RYR3: variants seen among roughly 807,000 people sequenced by gnomAD.
RYR3 encodes the protein ryanodine receptor 3, also known as brain ryanodine receptor-calcium release channel.
Under a neutral mutation model 584.3 loss-of-function variants are expected in RYR3, and 207 were observed. That is an observed-to-expected ratio of 0.35 (90% CI 0.32 to 0.40). The LOEUF is 0.40. Ranked by LOEUF, RYR3 falls within the 10% of genes least tolerant of loss-of-function variation. The pLI, the probability that RYR3 is intolerant of heterozygous loss-of-function variation, is 1.00. For missense variants in RYR3, 5,616 were observed against 6,089.2 expected, an observed-to-expected ratio of 0.92 and a Z score of 2.59; for synonymous variants, 2,416 against 2,248.5, an observed-to-expected ratio of 1.07 and a Z score of -2.11.
intron 27 of RYR3, among the ~76,000 whole-genome samples, chr15:33,640,774 ACTGTGCCTTT>A (rs1420009742): frequency 1.3e-5 from 2 of 152,158 alleles, no homozygotes; most frequent in African/African-American, 2.4e-5. Flanking sequence ...TTGGCCGAAG[ACTGTGCCTTT>A]TGCAAATTTT....
At chr15:33,742,341 G>T (rs946727897) in intron 51 of RYR3, 25 bp from the exon 52 acceptor site, 1 of 1,506,886 alleles carries the variant, frequency 6.6e-7, no homozygotes, top group Admixed American at 1.7e-5. Context: ...TGGGGAGGTT[G>T]TAATTTTTTT....
At chr15:33,835,532 A>G (rs1465882421) in intron 87 of RYR3, among the ~76,000 whole-genome samples, 4 of 152,102 alleles carry the variant, frequency 2.6e-5, no homozygotes, top group African/African-American at 9.7e-5. Flanking sequence ...CTCTGGCAAG[A>G]TGAATCAGAA....
intron 1 of RYR3, among the ~76,000 whole-genome samples, chr15:33,452,421 C>T (rs1391128304): frequency 2.0e-5 from 3 of 152,124 alleles, no homozygotes; most frequent in Non-Finnish European, 4.4e-5. Flanking sequence ...AGTCCCATTT[C>T]TTCTAAATCT....
At chr15:33,492,526 G>C (rs1012276117) in intron 2 of RYR3, among the ~76,000 whole-genome samples, 1 of 151,548 alleles carries the variant, frequency 6.6e-6, no homozygotes, top group Admixed American at 6.6e-5. Context: ...TTGGAATTTG[G>C]ATTCAGTTTG....
intron 2 of RYR3, among the ~76,000 whole-genome samples, chr15:33,500,007 A>G (rs1003216617): frequency 7.0e-4 from 106 of 152,328 alleles, no homozygotes; most frequent in African/African-American, 2.4e-3. Flanking sequence ...GTCTACAGCC[A>G]CAGCCATAAT....
At chr15:33,461,346 C>G (rs2048027569) in intron 1 of RYR3, among the ~76,000 whole-genome samples, 1 of 152,172 alleles carries the variant, frequency 6.6e-6, no homozygotes, top group South Asian at 2.1e-4. Context: ...CAGAAATAGG[C>G]TTCACTCCAG....
In RYR3 at chr15:33,736,220, C is replaced by T. The variant is rs766903428; in HGVS notation, c.7425-15C>T. On this transcript the variant is annotated splice_polypyrimidine_tract_variant and intron_variant, in intron 48 of 103. Coordinates refer to ENST00000634891, the MANE Select transcript of RYR3 (RefSeq NM_001036.6). Reference sequence around the variant, plus strand: ...TTTCATTTTATTTATCTACGTTTGTCATTTCATACTGCAGTCACTTGAGGC... The same window carrying T: ...TTTCATTTTATTTATCTACGTTTGTTATTTCATACTGCAGTCACTTGAGGC... The T allele has an allele frequency of 1.9e-6, 3 of 1,540,882 alleles. No individual in the cohort carries two copies. The highest frequency in any genetic ancestry group is 2.3e-5 in the South Asian group (2 of 88,584).
intron 1 of RYR3, among the ~76,000 whole-genome samples, chr15:33,316,109 CA>C (rs370775425): frequency 6.7e-6 from 1 of 149,426 alleles, no homozygotes; most frequent in South Asian, 2.1e-4. Flanking sequence ...GATCTGAGGG[CA>C]AAAAAAATGG....
intron 52 of RYR3, among the ~76,000 whole-genome samples, chr15:33,744,447 GAAAAAGAGTATTTTCCTT>G (rs1316706868): frequency 6.6e-6 from 1 of 152,148 alleles, no homozygotes; most frequent in African/African-American, 2.4e-5. Flanking sequence ...TATCTCACAA[GAAAAAGAGTATTTTCCTT>G]GCCCTCAAAA....
At chr15:33,850,748 T>TA (rs1016764627) in intron 94 of RYR3, 1 of 152,122 alleles carries the variant, frequency 6.6e-6, no homozygotes, top group East Asian at 1.9e-4. Context: ...CCAAAAAGGT[T>TA]AAAAAAATAG....
Position 33,810,350 on chromosome 15 carries a change from C to A in RYR3, c.10027-129C>A, listed in dbSNP as rs979033972. The A allele has an allele frequency of 2.0e-5, 16 of 795,338 alleles. No individual in the cohort carries two copies. The Admixed American group carries it at 4.0e-4, about 20-fold the overall frequency. The allele number at this position is 795,338 out of a possible 1,614,324, so 49.3% of individuals were successfully genotyped here. ...TTGTTCAACACACTCTTTTCACTGT[C>A]CTTTGAAGTGTAGTAAGGCCCACCC... On this transcript the variant is annotated intron_variant, in intron 70 of 103. Coordinates refer to ENST00000634891, the MANE Select transcript of RYR3 (RefSeq NM_001036.6).
intron 10 of RYR3, among the ~76,000 whole-genome samples, chr15:33,562,627 T>C (rs79676363): frequency 0.022 from 3,422 of 152,230 alleles, 53 homozygotes; most frequent in Non-Finnish European, 0.036. Flanking sequence ...ATCACTGAAG[T>C]AACCAGAACT....
Position 33,843,515 on chromosome 15 carries a change from C to G in RYR3, c.13237C>G (p.Leu4413Val). The G allele has an allele frequency of 1.2e-6, 2 of 1,604,654 alleles. No homozygotes were observed. ...LHYLARNFYN[L>V]RFLALFVAFA... ...TTACCTGGCCAGGAATTTCTACAAC[C>G]TGAGGTTCCTTGCTCTGTTTGTAGC... Residue 4413 changes from leucine (L) to valine (V), a missense_variant, in exon 92 of 104, where the codon CTG (leucine) becomes GTG (valine). Coordinates refer to ENST00000634891, the MANE Select transcript of RYR3 (RefSeq NM_001036.6).
intron 34 of RYR3, among the ~76,000 whole-genome samples, chr15:33,661,486 C>T (rs969360594): frequency 4.6e-5 from 7 of 152,148 alleles, no homozygotes; most frequent in Admixed American, 3.9e-4. Flanking sequence ...CAGTGGTCCC[C>T]AGCCTTTTTG....
chr15:33,422,835 G>T (rs750479642), intron 1 of RYR3, among the ~76,000 whole-genome samples: 1 of 152,034 alleles, frequency 6.6e-6, no homozygotes, highest in African/African-American at 2.4e-5. Flanking sequence ...CCATTGAATT[G>T]GTTTGAATAA....
At chr15:33,357,078 A>C (rs1284393570) in intron 1 of RYR3, among the ~76,000 whole-genome samples, 1 of 151,860 alleles carries the variant, frequency 6.6e-6, no homozygotes, top group African/African-American at 2.4e-5. Context: ...CCTGTATGCC[A>C]CCTCTGACTT....
intron 1 of RYR3, among the ~76,000 whole-genome samples, chr15:33,414,502 C>T (rs1355867251): frequency 6.6e-6 from 1 of 152,196 alleles, no homozygotes; most frequent in Non-Finnish European, 1.5e-5. Context: ...AAGACAGCTT[C>T]CTCAACATTT....
intron 1 of RYR3, among the ~76,000 whole-genome samples, chr15:33,328,885 C>A (rs1321583415): frequency 6.6e-6 from 1 of 152,090 alleles, no homozygotes; most frequent in Non-Finnish European, 1.5e-5. Context: ...CCTCTTTCTC[C>A]CCCTTTTCCC....
At chr15:33,680,501 T>C (rs2064510695) in intron 38 of RYR3, among the ~76,000 whole-genome samples, 5 of 152,192 alleles carry the variant, frequency 3.3e-5, no homozygotes, top group Non-Finnish European at 1.5e-5. Flanking sequence ...GTTCTGGGCC[T>C]CATATCCGTG....
Sources: gnomAD v4.1 joint callset for allele counts (sites outside exome capture counted in the v4.1 genomes callset) on GRCh38, gnomAD v4.1.1 for gene constraint, MANE v1.5 for transcripts, NCBI Gene and HGNC (gene_info 2026-07-23, HGNC 2026-07-21) for gene names.